C8orf89: variants seen among roughly 807,000 people sequenced by gnomAD.
C8orf89 encodes the protein putative uncharacterized protein C8orf89.
A neutral mutation model predicts 15.8 loss-of-function variants in C8orf89; 14 were observed. That is an observed-to-expected ratio of 0.89 (90% CI 0.59 to 1.39). The LOEUF is 1.39. C8orf89 is among the 40% of genes most tolerant of loss of function. C8orf89 has a pLI of 0.00. For missense variants in C8orf89, 181 were observed against 184.5 expected (o/e 0.98, Z 0.11); for synonymous variants, 55 against 62.2 (o/e 0.88, Z 0.54).
intron 3 of C8orf89, among the ~76,000 whole-genome samples, chr8:73,245,469 G>A (rs1028511114): frequency 2.6e-5 from 4 of 152,024 alleles, no homozygotes; most frequent in African/African-American, 9.7e-5. Context: ...AGTAGGAAAA[G>A]AGTAAACCCA....
At chr8:73,271,650 C>T in the C8orf89 span, among the ~76,000 whole-genome samples, 1 of 152,166 alleles carries the variant, frequency 6.6e-6, no homozygotes, top group East Asian at 1.9e-4. Flanking sequence ...TCTTTTATAG[C>T]AACACTAAAC....
chr8:73,268,485 C>A, the C8orf89 span, among the ~76,000 whole-genome samples: 8,145 of 142,860 alleles, frequency 0.057, 263 homozygotes, highest in East Asian at 0.16. Context: ...TCTCAAAAAA[C>A]AAAAAAAAAA....
chr8:73,255,708 C>T (rs1813360811), intron 2 of C8orf89, among the ~76,000 whole-genome samples: 1 of 150,234 alleles, frequency 6.7e-6, no homozygotes, highest in Non-Finnish European at 1.5e-5. Flanking sequence ...TGGAACCAAC[C>T]CAAATGTCCA....
chr8:73,251,947 G>A (rs1368183190), intron 2 of C8orf89, among the ~76,000 whole-genome samples: 3 of 152,140 alleles, frequency 2.0e-5, no homozygotes, highest in African/African-American at 7.2e-5. Flanking sequence ...CAAGTGTCTT[G>A]GTTACGATGT....
At chr8:73,285,592 G>T in the C8orf89 span, among the ~76,000 whole-genome samples, 1 of 152,264 alleles carries the variant, frequency 6.6e-6, no homozygotes, top group Admixed American at 6.5e-5. Context: ...GTCCTGAGAC[G>T]GGCCAGCCAC....
the C8orf89 span, among the ~76,000 whole-genome samples, chr8:73,268,913 A>G: frequency 6.6e-6 from 1 of 152,178 alleles, no homozygotes; most frequent in East Asian, 1.9e-4. Context: ...AAACAGCTTG[A>G]GCTCCTGCCT....
At chr8:73,281,426 T>A in the C8orf89 span, among the ~76,000 whole-genome samples, 6 of 152,124 alleles carry the variant, frequency 3.9e-5, no homozygotes, top group African/African-American at 1.2e-4. Context: ...GAAAGATGAG[T>A]TATAGATTCA....
At chr8:73,254,356 T>G (rs1275986368) in intron 2 of C8orf89, among the ~76,000 whole-genome samples, 1 of 152,158 alleles carries the variant, frequency 6.6e-6, no homozygotes, top group East Asian at 1.9e-4. Flanking sequence ...TGAGGATTTT[T>G]GCATCAATGT....
the C8orf89 span, among the ~76,000 whole-genome samples, chr8:73,283,967 T>C: frequency 2.0e-5 from 3 of 151,088 alleles, no homozygotes; most frequent in Non-Finnish European, 2.9e-5. Context: ...TGCTTGAACC[T>C]GGAGGCGGAG....
the C8orf89 span, among the ~76,000 whole-genome samples, chr8:73,283,060 C>T: frequency 1.3e-5 from 2 of 152,080 alleles, no homozygotes; most frequent in African/African-American, 4.8e-5. Flanking sequence ...TATCTACTTA[C>T]ACGTGAGAAA....
intron 3 of C8orf89, among the ~76,000 whole-genome samples, chr8:73,245,232 A>G (rs1190376100): frequency 6.6e-6 from 1 of 152,250 alleles, no homozygotes; most frequent in South Asian, 2.1e-4. Context: ...GGGAACTACA[A>G]TTCAAGATGA....
chr8:73,277,013 C>T, the C8orf89 span, among the ~76,000 whole-genome samples: 13 of 151,548 alleles, frequency 8.6e-5, no homozygotes, highest in African/African-American at 2.9e-4. Flanking sequence ...TGTCATGTAA[C>T]CCAGGCTTGT....
the C8orf89 span, among the ~76,000 whole-genome samples, chr8:73,278,971 T>C: frequency 6.6e-6 from 1 of 152,210 alleles, no homozygotes; most frequent in African/African-American, 2.4e-5. Context: ...AGCTACCCTG[T>C]TAATTAAAAG....
upstream of C8orf89, among the ~76,000 whole-genome samples, chr8:73,260,564 T>C (rs143326292): frequency 0.012 from 1,785 of 152,096 alleles, 34 homozygotes; most frequent in African/African-American, 0.04. Flanking sequence ...AAACGGATAA[T>C]ACAGTTTTAG....
chr8:73,281,073 A>T, the C8orf89 span, among the ~76,000 whole-genome samples: 1 of 152,090 alleles, frequency 6.6e-6, no homozygotes, highest in East Asian at 1.9e-4. Context: ...ATGTCCTTAT[A>T]ATTGTATATA....
the C8orf89 span, among the ~76,000 whole-genome samples, chr8:73,275,117 C>T: frequency 6.6e-6 from 1 of 151,664 alleles, no homozygotes; most frequent in African/African-American, 2.4e-5. Context: ...TTACTTACTA[C>T]TAATAGATTA....
the C8orf89 span, among the ~76,000 whole-genome samples, chr8:73,273,967 T>C: frequency 2.6e-5 from 4 of 152,292 alleles, no homozygotes; most frequent in East Asian, 3.9e-4. Flanking sequence ...CAAAATGTTA[T>C]ATTTTGTAAT....
At chr8:73,264,033 C>T (rs183602869), upstream of C8orf89, among the ~76,000 whole-genome samples, 9 of 152,216 alleles carry the variant, frequency 5.9e-5, no homozygotes, top group East Asian at 1.9e-4. Flanking sequence ...ATGGAACTCA[C>T]GGTCAAATAA....
chr8:73,263,895 T>C (rs1217972703), upstream of C8orf89, among the ~76,000 whole-genome samples: 1 of 152,198 alleles, frequency 6.6e-6, no homozygotes, highest in South Asian at 2.1e-4. Flanking sequence ...TAGGGGGACT[T>C]ATAAGGGTAG....
Sources: allele counts gnomAD v4.1 joint callset (sites outside exome capture counted in the v4.1 genomes callset), GRCh38; gene constraint gnomAD v4.1.1; transcripts MANE v1.5; gene names NCBI Gene and HGNC (gene_info 2026-07-23, HGNC 2026-07-21).